IGSF11: variants seen among roughly 807,000 people sequenced by gnomAD.
The protein encoded by IGSF11 is CXADR like 1.
In IGSF11, 22 loss-of-function variants were observed where a neutral mutation model predicts 41.0. That is an observed-to-expected ratio of 0.54 (90% CI 0.38 to 0.77). The LOEUF (loss-of-function observed/expected upper bound fraction) is 0.77, where lower values mean the gene tolerates loss of function less well. Ranked by LOEUF, IGSF11 falls within the 30% of genes least tolerant of loss-of-function variation. The pLI is 0.00. For missense variants in IGSF11, 444 were observed against 530.8 expected (o/e 0.84, Z 1.61); for synonymous variants, 219 against 201.3 (o/e 1.09, Z -0.74).
At chr3:118,950,095 T>C (rs1394172830) in intron 1 of IGSF11, among the ~76,000 whole-genome samples, 1 of 152,178 alleles carries the variant, frequency 6.6e-6, no homozygotes, top group Non-Finnish European at 1.5e-5. Flanking sequence ...AGTATAAATT[T>C]TTACTTCCCA....
chr3:119,003,802 AG>A (rs1937166225), intron 1 of IGSF11, among the ~76,000 whole-genome samples: 1 of 151,328 alleles, frequency 6.6e-6, no homozygotes, highest in Non-Finnish European at 1.5e-5. Flanking sequence ...CTTGCATCCC[AG>A]GGATGAAGCC....
intron 1 of IGSF11, among the ~76,000 whole-genome samples, chr3:119,078,940 G>A (rs1271187345): frequency 6.6e-6 from 1 of 152,110 alleles, no homozygotes; most frequent in Admixed American, 6.6e-5. Context: ...TTTCTCAAAA[G>A]AAGACATACA....
At chr3:118,905,484 T>C (rs1255381293) in intron 5 of IGSF11, 112 bp downstream of exon 5, 8 of 1,109,268 alleles carry the variant, frequency 7.2e-6, no homozygotes, top group East Asian at 2.4e-5. Context: ...ACAATTTCTA[T>C]TTAATCTTCA....
chr3:119,137,204 A>G (rs72953083), intron 1 of IGSF11, among the ~76,000 whole-genome samples: 245 of 152,086 alleles, frequency 1.6e-3, no homozygotes, highest in African/African-American at 5.7e-3. Flanking sequence ...TATATTCTTC[A>G]CAGAAATAAA....
At chr3:118,974,222 G>A (rs1005376140) in intron 1 of IGSF11, among the ~76,000 whole-genome samples, 2 of 152,160 alleles carry the variant, frequency 1.3e-5, no homozygotes, top group African/African-American at 4.8e-5. Context: ...TAGAAGCATG[G>A]TATTGTAGGC....
intron 1 of IGSF11, among the ~76,000 whole-genome samples, chr3:118,939,119 A>G (rs757023954): frequency 1.3e-5 from 2 of 152,372 alleles, no homozygotes; most frequent in Non-Finnish European, 2.9e-5. Flanking sequence ...CATAGAATAT[A>G]TATTATTTTA....
chr3:119,013,748 T>C (rs1408830460), intron 1 of IGSF11, among the ~76,000 whole-genome samples: 2 of 152,220 alleles, frequency 1.3e-5, no homozygotes, highest in Non-Finnish European at 2.9e-5. Flanking sequence ...CATCCACCCA[T>C]TTTACAGTGG....
Position 118,902,530 on chromosome 3 carries a change from G to A in IGSF11, c.1286C>T (p.Ser429Phe). 6.9e-7 allele frequency: 1 copy of A among 1,449,202 alleles called. No individual in the cohort carries two copies. 89.8% of individuals were successfully genotyped at this position (1,449,202 alleles called of 1,614,324 possible). ...VMVPAQSRAG[S>F]LV ...ACATTTCCTCATGTCCTATACCAAG[G>A]ACCCGGCCCGACTCTGGGCTGGTAC... Residue 429 changes from serine (S) to phenylalanine (F), a missense_variant, in exon 7 of 7, where the codon TCC (serine) becomes TTC (phenylalanine). Around this residue, in one of 3 missense-constraint regions of IGSF11, gnomAD observed 223 missense variants for 226.2 expected, o/e 0.99. Transcript: ENST00000393775.
intron 1 of IGSF11, among the ~76,000 whole-genome samples, chr3:118,946,760 C>T (rs1412305685): frequency 6.6e-6 from 1 of 152,212 alleles, no homozygotes; most frequent in Non-Finnish European, 1.5e-5. Flanking sequence ...TTGGGCACAA[C>T]GCTCCCTACT....
chr3:118,948,256 TG>T (rs1944307816), intron 1 of IGSF11: 1 of 152,204 alleles, frequency 6.6e-6, no homozygotes, highest in Non-Finnish European at 1.5e-5. Flanking sequence ...TTGCCACTGT[TG>T]CGCTCAGAAA....
chr3:118,945,925 C>A (rs985193293), intron 1 of IGSF11: 7 of 152,010 alleles, frequency 4.6e-5, no homozygotes, highest in African/African-American at 1.5e-4. Flanking sequence ...GAATTAGCTC[C>A]TCTGTGTAAT....
chr3:118,911,044 T>C (rs75629895), intron 4 of IGSF11, among the ~76,000 whole-genome samples: 1,635 of 152,270 alleles, frequency 0.011, 31 homozygotes, highest in East Asian at 0.065. Flanking sequence ...GGAGATATGT[T>C]TCCTTGTATT....
intron 4 of IGSF11, among the ~76,000 whole-genome samples, chr3:118,918,989 A>G (rs1483818193): frequency 2.5e-5 from 3 of 119,584 alleles, no homozygotes; most frequent in Admixed American, 7.8e-5. Context: ...GACAAACCTG[A>G]GAAAAACAAG....
At chr3:118,914,407 T>A (rs376584482) in intron 4 of IGSF11, among the ~76,000 whole-genome samples, 43 of 149,508 alleles carry the variant, frequency 2.9e-4, no homozygotes, top group African/African-American at 8.6e-4. Flanking sequence ...GCGCACCGTG[T>A]GCGAGCCGAA....
chr3:118,926,336 A>T (rs920688332), intron 3 of IGSF11, 80 bp from the exon 4 acceptor site: 1 of 1,154,810 alleles, frequency 8.7e-7, no homozygotes. Context: ...AACATTCAGT[A>T]CATTGGACCC....
At chr3:119,131,910 GA>G (rs2077487933) in intron 1 of IGSF11, among the ~76,000 whole-genome samples, 1 of 152,156 alleles carries the variant, frequency 6.6e-6, no homozygotes, top group Non-Finnish European at 1.5e-5. Flanking sequence ...CACTCTTGAA[GA>G]AAAGAATTTT....
At chr3:118,918,918 T>C (rs200356211) in intron 4 of IGSF11, among the ~76,000 whole-genome samples, 1,884 of 70,648 alleles carry the variant, frequency 0.027, 17 homozygotes, top group African/African-American at 0.094. Context: ...GAGATATAGA[T>C]CAATGGAACA....
intron 1 of IGSF11, among the ~76,000 whole-genome samples, chr3:118,992,119 A>T (rs1468306693): frequency 6.6e-6 from 1 of 152,278 alleles, no homozygotes; most frequent in Non-Finnish European, 1.5e-5. Flanking sequence ...CTTTCCAGCA[A>T]GAATAGACAA....
chr3:119,106,623 C>A (rs1486842619), upstream of IGSF11, among the ~76,000 whole-genome samples: 1 of 152,052 alleles, frequency 6.6e-6, no homozygotes, highest in Non-Finnish European at 1.5e-5. Context: ...TTTTAGGGTA[C>A]ATGTGCACAA....
Sources: allele counts gnomAD v4.1 joint callset (sites outside exome capture counted in the v4.1 genomes callset), GRCh38; gene constraint gnomAD v4.1.1; regional missense constraint gnomAD v4.1.1; transcripts MANE v1.5; gene names NCBI Gene and HGNC (gene_info 2026-07-23, HGNC 2026-07-21).